Variants in FOCAD observed in about 807,000 individuals in gnomAD.
FOCAD encodes the protein KIAA1797.
FOCAD carries 198 observed loss-of-function variants against 225.6 expected under a neutral mutation model. The observed-to-expected ratio is 0.88, with a 90% confidence interval of 0.78 to 0.99. FOCAD has a LOEUF of 0.99. FOCAD is among the 50% of genes least tolerant of loss of function. FOCAD has a pLI of 0.00. For synonymous variants in FOCAD, 897 were observed against 755.0 expected (o/e 1.19, Z -3.08); for missense variants, 2,713 against 2,123.6 (o/e 1.28, Z -5.46).
At chr9:20,937,459 A>G (rs1387497224) in intron 28 of FOCAD, among the ~76,000 whole-genome samples, 2 of 152,050 alleles carry the variant, frequency 1.3e-5, no homozygotes, top group African/African-American at 2.4e-5. Flanking sequence ...GACAAAGCTG[A>G]CAAAAACAAG....
chr9:20,970,153 T>G (rs1480974956), intron 35 of FOCAD, among the ~76,000 whole-genome samples: 1 of 152,120 alleles, frequency 6.6e-6, no homozygotes, highest in Non-Finnish European at 1.5e-5. Context: ...TTTTAAAAAT[T>G]TGGCTACAGT....
chr9:20,957,187 C>G (rs373748678), intron 35 of FOCAD, among the ~76,000 whole-genome samples: 1 of 152,070 alleles, frequency 6.6e-6, no homozygotes, highest in Admixed American at 6.5e-5. Context: ...CCTCAGCCCC[C>G]CAGGTAGCTA....
At chr9:20,705,244 T>G (rs1212762956) in intron 1 of FOCAD, among the ~76,000 whole-genome samples, 1 of 152,208 alleles carries the variant, frequency 6.6e-6, no homozygotes, top group Non-Finnish European at 1.5e-5. Context: ...TATTATGAAT[T>G]CCAGTGTACC....
chr9:20,990,212 T>C lies in FOCAD; in HGVS notation c.5094T>C (p.Ser1698=). ...CTCTCCTCCTCGGCCTCAGTGCCAG[T>C]TGGTTGCCATGGCATCAGGAGAATG... The part of the protein sequence containing the change: ...TAPLLLGLSA[S]WLPWHQENGP... Residue 1698 remains serine (S), a synonymous_variant, in exon 42 of 44, where the codon AGT becomes AGC. Transcript: ENST00000338382. 6.2e-7 allele frequency: 1 copy of C among 1,614,176 alleles called. No individual in the cohort carries two copies. The highest frequency in any genetic ancestry group is 2.2e-5 in the East Asian group (1 of 44,848).
Position 20,907,219 on chromosome 9 carries a change from C to T in FOCAD, c.2695C>T (p.Arg899Ter), listed in dbSNP as rs751441485. The change falls in exon 22 of 44, where the codon CGA (arginine) becomes TGA (stop). Residue 899 changes from arginine (R) to a stop codon, truncating the protein, a stop_gained. Transcript: ENST00000338382. LOFTEE classifies it high-confidence loss of function. Reference protein sequence around the residue: ...LPQAWLAYMNRAYHAILQGRL... With the variant: ...LPQAWLAYMN ...ACAGGCCTGGCTTGCATACATGAAT[C>T]GAGCTTATCATGCCATTTTACAGGT... 7 of 1,613,070 alleles carry T rather than the reference C, an allele frequency of 4.3e-6. No homozygotes were observed. Among genetic ancestry groups the T allele is most frequent in the Non-Finnish European group, 5.9e-6 (7 of 1,179,396 alleles).
intron 39 of FOCAD, among the ~76,000 whole-genome samples, chr9:20,984,708 A>G (rs1356363652): frequency 1.3e-5 from 2 of 152,168 alleles, no homozygotes; most frequent in Non-Finnish European, 2.9e-5. Flanking sequence ...ATGCAGGAGG[A>G]AAAGGGAAAC....
At chr9:20,759,584 T>C (rs896360628) in intron 6 of FOCAD, among the ~76,000 whole-genome samples, 1 of 152,108 alleles carries the variant, frequency 6.6e-6, no homozygotes, top group African/African-American at 2.4e-5. Context: ...AAGACTTACA[T>C]GTTAGACCTA....
At chr9:20,984,761 T>C (rs1840999930) in intron 39 of FOCAD, among the ~76,000 whole-genome samples, 1 of 152,148 alleles carries the variant, frequency 6.6e-6, no homozygotes, top group African/African-American at 2.4e-5. Context: ...CATCCTTCTT[T>C]TACATTTCAC....
At chr9:20,873,463 G>A (rs1829970159) in intron 18 of FOCAD, among the ~76,000 whole-genome samples, 1 of 152,166 alleles carries the variant, frequency 6.6e-6, no homozygotes, top group South Asian at 2.1e-4. Flanking sequence ...GATATGCAGT[G>A]ATTTCGACAG....
chr9:20,769,042 G>T (rs1817900592), intron 7 of FOCAD, among the ~76,000 whole-genome samples: 1 of 151,908 alleles, frequency 6.6e-6, no homozygotes, highest in Non-Finnish European at 1.5e-5. Context: ...TAAACATTAG[G>T]CTTTATTTTA....
At chr9:20,774,688 A>G (rs1321613712) in intron 8 of FOCAD, among the ~76,000 whole-genome samples, 1 of 152,226 alleles carries the variant, frequency 6.6e-6, no homozygotes, top group African/African-American at 2.4e-5. Flanking sequence ...CTGGGAATCT[A>G]TTAATAAGTG....
chr9:20,781,446 A>G (rs76907479), intron 9 of FOCAD, among the ~76,000 whole-genome samples: 96 of 152,202 alleles, frequency 6.3e-4, no homozygotes, highest in African/African-American at 2.2e-3. Flanking sequence ...CTCAGAGGAT[A>G]TTAAGGGCAA....
intron 35 of FOCAD, among the ~76,000 whole-genome samples, chr9:20,957,349 G>C (rs1838254576): frequency 6.6e-6 from 1 of 151,822 alleles, no homozygotes; most frequent in Non-Finnish European, 1.5e-5. Flanking sequence ...ATGAGCCACT[G>C]TACATGGCAT....
Position 20,911,865 on chromosome 9 carries a change from A to G in FOCAD, c.2719-1001A>G, listed in dbSNP as rs551797508. The stretch of plus-strand genomic sequence containing the variant: ...ACTATATCTTAGAACTTTAAAATCA[A>G]TAAGAAAAAGACAGCTAGTAGAGAA... On this transcript the variant is annotated intron_variant, in intron 22 of 43. Transcript: ENST00000338382. Among the ~76,000 whole-genome samples, 5 of 152,260 alleles carry G rather than the reference A, an allele frequency of 3.3e-5. No homozygotes were observed. The East Asian group carries it at 7.7e-4, about 24-fold the overall frequency.
At chr9:20,795,290 G>A (rs7045166) in intron 11 of FOCAD, among the ~76,000 whole-genome samples, 131,880 of 152,226 alleles carry the variant, frequency 0.87, 57,175 homozygotes, top group Admixed American at 0.91. Flanking sequence ...TAAAAATGAC[G>A]AATATTGCAT....
intron 21 of FOCAD, among the ~76,000 whole-genome samples, chr9:20,890,374 T>G (rs1012331320): frequency 1.3e-5 from 2 of 151,890 alleles, no homozygotes; most frequent in African/African-American, 4.8e-5. Context: ...TGAGAGGTTT[T>G]TTTTTTTTTT....
chr9:20,938,505 C>T (rs1225260199), intron 28 of FOCAD, among the ~76,000 whole-genome samples: 7 of 151,608 alleles, frequency 4.6e-5, no homozygotes, highest in Non-Finnish European at 1.0e-4. Context: ...CACATGTTCT[C>T]ACTCATAGGT....
chr9:20,718,871 G>T (rs1586932566), intron 3 of FOCAD, among the ~76,000 whole-genome samples: 1 of 152,204 alleles, frequency 6.6e-6, no homozygotes, highest in African/African-American at 2.4e-5. Flanking sequence ...TGTTTTTCCG[G>T]TGTAATAATA....
At chr9:20,763,983 T>C (rs975608784) in intron 6 of FOCAD, among the ~76,000 whole-genome samples, 1 of 152,214 alleles carries the variant, frequency 6.6e-6, no homozygotes, top group Non-Finnish European at 1.5e-5. Flanking sequence ...TCCTTCAGTT[T>C]CTTTATCCGT....
Sources: allele counts gnomAD v4.1 joint callset (sites outside exome capture counted in the v4.1 genomes callset), GRCh38; gene constraint gnomAD v4.1.1; transcripts MANE v1.5; gene names NCBI Gene and HGNC (gene_info 2026-07-23, HGNC 2026-07-21).